GRIA1: variants seen among roughly 807,000 people sequenced by gnomAD.
GRIA1 encodes glutamate ionotropic receptor AMPA type subunit 1.
A neutral mutation model predicts 99.2 loss-of-function variants in GRIA1; 31 were observed. The ratio of observed to expected loss-of-function variants is 0.31; its 90% CI spans 0.23 to 0.42. The LOEUF (loss-of-function observed/expected upper bound fraction) is 0.42, where lower values mean the gene tolerates loss of function less well. Ranked by LOEUF, GRIA1 falls within the 10% of genes least tolerant of loss-of-function variation. The pLI is 1.00. For missense variants in GRIA1, 782 were observed against 1,157.5 expected, an observed-to-expected ratio of 0.68 and a Z score of 4.71; for synonymous variants, 438 against 432.4, an observed-to-expected ratio of 1.01 and a Z score of -0.16.
At chr5:153,722,581 C>T (rs1760155320) in intron 11 of GRIA1, among the ~76,000 whole-genome samples, 1 of 152,192 alleles carries the variant, frequency 6.6e-6, no homozygotes, top group South Asian at 2.1e-4. Flanking sequence ...TTTCTTCTTA[C>T]TGTATACCAC....
chr5:153,799,085 C>G (rs1022877830), intron 14 of GRIA1, among the ~76,000 whole-genome samples: 3 of 152,234 alleles, frequency 2.0e-5, no homozygotes, highest in South Asian at 2.1e-4. Flanking sequence ...TTTTCCACCC[C>G]CCCCTGACAA....
chr5:153,684,315 A>AT (rs903906875), intron 7 of GRIA1, among the ~76,000 whole-genome samples: 5 of 152,208 alleles, frequency 3.3e-5, no homozygotes, highest in Admixed American at 6.5e-5. Context: ...AACAGCTGGC[A>AT]TTTTTTGAAT....
chr5:153,584,510 A>G (rs1301322828), intron 2 of GRIA1, among the ~76,000 whole-genome samples: 1 of 152,298 alleles, frequency 6.6e-6, no homozygotes, highest in East Asian at 1.9e-4. Context: ...CAGCAGATGC[A>G]TTTAAAGTCA....
intron 7 of GRIA1, among the ~76,000 whole-genome samples, chr5:153,680,478 C>T (rs1044359244): frequency 2.6e-5 from 4 of 152,042 alleles, no homozygotes; most frequent in Non-Finnish European, 4.4e-5. Flanking sequence ...TAAAAGAAAT[C>T]TGTAGATTCT....
At chr5:153,529,967 C>A (rs1757944654) in intron 2 of GRIA1, among the ~76,000 whole-genome samples, 1 of 152,132 alleles carries the variant, frequency 6.6e-6, no homozygotes, top group Admixed American at 6.5e-5. Flanking sequence ...AACCTCTGAT[C>A]TGCTTCTGTG....
chr5:153,686,763 A>T (rs1446060991), intron 8 of GRIA1, among the ~76,000 whole-genome samples: 1 of 152,222 alleles, frequency 6.6e-6, no homozygotes, highest in African/African-American at 2.4e-5. Flanking sequence ...TACAAAAGTA[A>T]GGGTGAAAAT....
Position 153,726,933 on chromosome 5 carries a change from A to G in GRIA1, c.1823+20866A>G, listed in dbSNP as rs180706836. On this transcript the variant is annotated intron_variant, in intron 11 of 15. Transcript: ENST00000285900. ...TCAAAGCCGGGCAGAGACACAACCAAAAAAGAGAATTTTAGACCAACATCC... is the reference window on the plus strand; with the variant it reads ...TCAAAGCCGGGCAGAGACACAACCAGAAAAGAGAATTTTAGACCAACATCC... Among the ~76,000 whole-genome samples the G allele has an allele frequency of 2.9e-3, 447 of 152,356 alleles. 3 individuals are homozygous for G. The highest frequency in any genetic ancestry group is 0.01 in the African/African-American group (417 of 41,574).
At chr5:153,737,189 C>G (rs1475050477) in intron 11 of GRIA1, among the ~76,000 whole-genome samples, 2 of 150,722 alleles carry the variant, frequency 1.3e-5, no homozygotes, top group Non-Finnish European at 2.9e-5. Context: ...CTTGTTTATC[C>G]AGTACCTGAA....
At chr5:153,774,079 C>G (rs1561849135) in intron 13 of GRIA1, among the ~76,000 whole-genome samples, 1 of 118,612 alleles carries the variant, frequency 8.4e-6, no homozygotes, top group African/African-American at 3.3e-5. Context: ...CCCCTCCCCC[C>G]ACACACACAC....
chr5:153,559,598 G>A (rs1036835737), intron 2 of GRIA1, among the ~76,000 whole-genome samples: 2 of 152,100 alleles, frequency 1.3e-5, no homozygotes, highest in African/African-American at 4.8e-5. Flanking sequence ...GACTGTATGT[G>A]CTATACTTTT....
chr5:153,724,486 T>C (rs533629206), intron 11 of GRIA1, among the ~76,000 whole-genome samples: 73 of 152,204 alleles, frequency 4.8e-4, no homozygotes, highest in African/African-American at 1.7e-3. Context: ...GGCAAAGAAG[T>C]TGAAAACTTT....
chr5:153,663,286 G>A (rs890759555), intron 5 of GRIA1, among the ~76,000 whole-genome samples: 3 of 152,196 alleles, frequency 2.0e-5, no homozygotes, highest in Admixed American at 6.5e-5. Flanking sequence ...GACTAAAACT[G>A]GAATTCAAAC....
At chr5:153,726,931 C>G (rs1045533522) in intron 11 of GRIA1, among the ~76,000 whole-genome samples, 1 of 152,004 alleles carries the variant, frequency 6.6e-6, no homozygotes, top group Non-Finnish European at 1.5e-5. Context: ...GAGACACAAC[C>G]AAAAAAGAGA....
At chr5:153,564,871 A>G (rs1264009982) in intron 2 of GRIA1, among the ~76,000 whole-genome samples, 2 of 152,190 alleles carry the variant, frequency 1.3e-5, no homozygotes, top group African/African-American at 2.4e-5. Context: ...ATGGGAATGA[A>G]TATGTCAGAA....
In GRIA1 at chr5:153,811,036, G is replaced by A; in HGVS notation, c.2532G>A (p.Leu844=). ...SESKRMKGFC[L]IPQQSINEAI... ...GTCCTCCTGAAAAGGGTTTTTGTTT[G>A]ATCCCACAGCAATCCATCAACGAAG... The change falls in exon 16 of 16, where the codon TTG becomes TTA. Residue 844 remains leucine, a synonymous_variant. Coordinates refer to ENST00000285900, the MANE Select transcript of GRIA1 (RefSeq NM_000827.4). The A allele has an allele frequency of 6.2e-7, 1 of 1,613,944 alleles. No individual in the cohort carries two copies. Among genetic ancestry groups the A allele is most frequent in the Non-Finnish European group, 8.5e-7 (1 of 1,179,850 alleles).
chr5:153,745,359 G>A (rs930832595), intron 11 of GRIA1, among the ~76,000 whole-genome samples: 3 of 151,836 alleles, frequency 2.0e-5, no homozygotes, highest in Non-Finnish European at 4.4e-5. Context: ...AGGCCAAGGT[G>A]AGTGGGTCAC....
At chr5:153,766,345 A>G (rs1763517487) in intron 12 of GRIA1, among the ~76,000 whole-genome samples, 1 of 152,190 alleles carries the variant, frequency 6.6e-6, no homozygotes, top group African/African-American at 2.4e-5. Context: ...GCCTGTTTCT[A>G]CTTGTCCATA....
rs1207970523 is a variant in GRIA1 at position 153,812,268 on chromosome 5, T to C, written c.*1043T>C. 1 of 152,004 alleles carries C rather than the reference T, an allele frequency of 6.6e-6. No individual in the cohort carries two copies. Among genetic ancestry groups the C allele is most frequent in the African/African-American group, 2.4e-5 (1 of 41,394 alleles). The allele number at this position is 152,004 out of a possible 1,614,324, so 9.4% of individuals were successfully genotyped here. ...CTCTTCTTCTATGGAGCCTCTGACA[T>C]GGGGAGCAATGCTAAGCAAGCTAAG... On this transcript the variant is annotated 3_prime_UTR_variant, in exon 16 of 16. Coordinates refer to ENST00000285900, the MANE Select transcript of GRIA1 (RefSeq NM_000827.4).
At chr5:153,693,127 T>C (rs961977470) in intron 8 of GRIA1, among the ~76,000 whole-genome samples, 1 of 152,194 alleles carries the variant, frequency 6.6e-6, no homozygotes, top group Non-Finnish European at 1.5e-5. Flanking sequence ...CTCAGGCTCA[T>C]GGACCCTCCA....
Sources: allele counts gnomAD v4.1 joint callset (sites outside exome capture counted in the v4.1 genomes callset), GRCh38; gene constraint gnomAD v4.1.1; transcripts MANE v1.5; gene names NCBI Gene and HGNC (gene_info 2026-07-23, HGNC 2026-07-21).